HLA-DQA1: variants seen among roughly 807,000 people sequenced by gnomAD.
The protein encoded by HLA-DQA1 is major histocompatibility complex, class II, DQ alpha 1.
Under a neutral mutation model 20.7 loss-of-function variants are expected in HLA-DQA1, and 10 were observed. The observed-to-expected ratio is 0.48, with a 90% CI of 0.30 to 0.82. The LOEUF (loss-of-function observed/expected upper bound fraction) is 0.82, where lower values mean the gene tolerates loss of function less well. Ranked by LOEUF, HLA-DQA1 falls within the 40% of genes least tolerant of loss-of-function variation. The probability of loss-of-function intolerance (pLI) is 0.07; values close to 1 mark genes in which losing one functional copy is unlikely to be tolerated. For synonymous variants in HLA-DQA1, 39 were observed against 109.2 expected, an observed-to-expected ratio of 0.36 and a Z score of 4.01; for missense variants, 127 against 293.0, an observed-to-expected ratio of 0.43 and a Z score of 4.14.
the HLA-DQA1 span, among the ~76,000 whole-genome samples, chr6:32,652,773 A>T: frequency 6.7e-6 from 1 of 150,214 alleles, no homozygotes; most frequent in Non-Finnish European, 1.5e-5. Context: ...GGAAAGAGAC[A>T]TTGCCCATAG....
At chr6:32,641,279 C>T (rs28383441) in intron 1 of HLA-DQA1, 31 bp from the exon 2 acceptor site, 116,015 of 1,104,686 alleles carry the variant, frequency 0.11, 20,391 homozygotes, top group Admixed American at 0.21. Context: ...CCCTGTTCTC[C>T]GCCTTCCTGC....
chr6:32,642,812 G>A, intron 4 of HLA-DQA1, 28 bp downstream of exon 4: 1 of 1,032,572 alleles, frequency 9.7e-7, no homozygotes, highest in East Asian at 3.1e-5. Flanking sequence ...TACAGTTGAA[G>A]CGGCAGTATG....
At chr6:32,642,478 G>A (rs9272774) in intron 3 of HLA-DQA1, 132 bp from the exon 4 acceptor site, 111,432 of 626,790 alleles carry the variant, frequency 0.18, 30,113 homozygotes, top group East Asian at 0.31. Context: ...GTTTTCTAAT[G>A]ATAGACTTCA....
chr6:32,651,428 C>CA (rs1782181866), downstream of HLA-DQA1, among the ~76,000 whole-genome samples: 1 of 80,518 alleles, frequency 1.2e-5, no homozygotes, highest in African/African-American at 4.3e-5. Context: ...ACTAAAAGTA[C>CA]AAAAAATTAG....
chr6:32,642,176 T>A lies in HLA-DQA1; in HGVS notation c.536T>A (p.Phe179Tyr). The stretch of plus-strand genomic sequence containing the variant: ...TTCTTCAAGATCAGTTACCTCACCT[T>A]CCTCCCTTCTGCTGATGAGATTTAT... ...HSFFKISYLT[F>Y]LPSADEIYDC... Residue 179 changes from phenylalanine to tyrosine, a missense_variant, in exon 3 of 5, where the codon TTC becomes TAC. By Grantham distance (22) the Phe-to-Tyr change is conservative. Around this residue, in one of 4 missense-constraint regions of HLA-DQA1, gnomAD observed 46 missense variants for 152.1 expected, o/e 0.30. Coordinates refer to ENST00000343139, the MANE Select transcript of HLA-DQA1 (RefSeq NM_002122.5). 7.0e-7 allele frequency: 1 copy of A among 1,422,802 alleles called. No homozygotes were observed. Among genetic ancestry groups the A allele is most frequent in the Non-Finnish European group, 9.6e-7 (1 of 1,036,758 alleles). 88.1% of individuals were successfully genotyped at this position (1,422,802 alleles called of 1,614,324 possible). A position where few individuals can be genotyped will look rare whatever the true frequency, so the allele number is the denominator to read the frequency against.
chr6:32,646,893 A>AT (rs17843742), downstream of HLA-DQA1: 17,530 of 52,774 alleles, frequency 0.33, 6,263 homozygotes, highest in East Asian at 0.45. Flanking sequence ...GAAGCTATAC[A>AT]TTTTAAAAGG....
At chr6:32,651,588 C>CAA (rs70996710), downstream of HLA-DQA1, among the ~76,000 whole-genome samples, 107 of 15,288 alleles carry the variant, frequency 7.0e-3, 32 homozygotes, top group East Asian at 0.15. Flanking sequence ...CGTCTCAAAG[C>CAA]AAAAAAAAAA....
In HLA-DQA1 at chr6:32,641,333, G is replaced by A. The variant is rs780232299; in HGVS notation, c.106G>A (p.Val36Ile). The change falls in exon 2 of 5, where the codon GTA (valine) becomes ATA (isoleucine). Residue 36 changes from valine to isoleucine, a missense_variant. By Grantham distance (29) the Val-to-Ile change is conservative (BLOSUM62 3). Coordinates refer to ENST00000343139, the MANE Select transcript of HLA-DQA1 (RefSeq NM_002122.5). ...IVADHVASCG[V>I]NLYQFYGPSG... ...AGCTGACCACGTTGCCTCTTGTGGT[G>A]TAAACTTGTACCAGTTTTACGGTCC... 4.1e-6 allele frequency: 5 copies of A among 1,224,406 alleles called. No homozygotes were observed. In the African/African-American group the frequency reaches 8.5e-5, roughly 21 times the overall value. The allele number at this position is 1,224,406 out of a possible 1,614,324, so 75.8% of individuals were successfully genotyped here.
chr6:32,653,084 A>G, the HLA-DQA1 span, among the ~76,000 whole-genome samples: 68,006 of 126,312 alleles, frequency 0.54, 19,523 homozygotes, highest in Middle Eastern at 0.66. Flanking sequence ...AGGCAATTCC[A>G]GGGGATGGCT....
Position 32,642,148 on chromosome 6 carries a change from T to A in HLA-DQA1, c.508T>A (p.Ser170Thr). ...ETSFLSKSDH[S>T]FFKISYLTFL... Reference sequence around the variant, plus strand: ...CAGCTTCCTCTCCAAGAGTGATCATTCCTTCTTCAAGATCAGTTACCTCAC... The same window carrying A: ...CAGCTTCCTCTCCAAGAGTGATCATACCTTCTTCAAGATCAGTTACCTCAC... The change falls in exon 3 of 5, where the codon TCC becomes ACC. Residue 170 changes from serine to threonine, a missense_variant. Around this residue, in one of 4 missense-constraint regions of HLA-DQA1, gnomAD observed 46 missense variants for 152.1 expected, o/e 0.30. Transcript: ENST00000343139. 2 of 1,428,122 alleles carry A rather than the reference T, an allele frequency of 1.4e-6. No homozygotes were observed. The highest frequency in any genetic ancestry group is 1.1e-5 in the South Asian group (1 of 87,784). The allele number at this position is 1,428,122 out of a possible 1,614,324, so 88.5% of individuals were successfully genotyped here. A position where few individuals can be genotyped will look rare whatever the true frequency, so the allele number is the denominator to read the frequency against.
intron 1 of HLA-DQA1, chr6:32,639,203 C>A (rs28383366): frequency 0.051 from 7,608 of 149,190 alleles, 719 homozygotes; most frequent in Non-Finnish European, 0.059. Flanking sequence ...GTGCAGGGGA[C>A]CCTCCATACT....
downstream of HLA-DQA1, among the ~76,000 whole-genome samples, chr6:32,650,765 G>A (rs1423775982): frequency 2.2e-5 from 2 of 89,600 alleles, 1 homozygote; most frequent in Non-Finnish European, 4.9e-5. Context: ...CGAGTTGATG[G>A]GTGCAGCAAA....
At chr6:32,651,378 A>G (rs1397006153), downstream of HLA-DQA1, among the ~76,000 whole-genome samples, 2 of 82,478 alleles carry the variant, frequency 2.4e-5, 1 homozygote, top group East Asian at 8.3e-4. Context: ...AGGTCAGGAG[A>G]TCAAGACCAT....
downstream of HLA-DQA1, chr6:32,643,710 A>G (rs1781672256): frequency 7.2e-6 from 1 of 138,778 alleles, no homozygotes. Flanking sequence ...GAATGATGAC[A>G]GTAGAAGCCT....
chr6:32,637,715 T>G (rs1780988075), intron 1 of HLA-DQA1, among the ~76,000 whole-genome samples, 175 bp downstream of exon 1: 1 of 104,306 alleles, frequency 9.6e-6, no homozygotes, highest in African/African-American at 3.4e-5. Context: ...AACCTACTCT[T>G]TTTGTTATCT....
chr6:32,645,107 TATA>T (rs983609352), downstream of HLA-DQA1: 1 of 137,736 alleles, frequency 7.3e-6, no homozygotes, highest in African/African-American at 2.6e-5. Flanking sequence ...CCACAGAATA[TATA>T]ACACCAAGAG....
the HLA-DQA1 span, among the ~76,000 whole-genome samples, chr6:32,653,058 C>T: frequency 0.14 from 19,890 of 141,584 alleles, 1,580 homozygotes; most frequent in East Asian, 0.27. Flanking sequence ...TCCGATGAGG[C>T]AGGTTTCATC....
At chr6:32,647,163 T>TTA (rs1781991582), downstream of HLA-DQA1, 1 of 148,110 alleles carries the variant, frequency 6.8e-6, no homozygotes, top group African/African-American at 2.5e-5. Context: ...TTGTTAAAGC[T>TTA]GGCCTTTTAA....
intron 1 of HLA-DQA1, among the ~76,000 whole-genome samples, chr6:32,638,019 C>T (rs914598931): frequency 7.9e-6 from 1 of 126,086 alleles, no homozygotes; most frequent in Admixed American, 8.5e-5. Flanking sequence ...ACTCACATTT[C>T]CACATGGGAA....
Sources: gnomAD v4.1 joint callset for allele counts (sites outside exome capture counted in the v4.1 genomes callset) on GRCh38, gnomAD v4.1.1 for gene constraint, gnomAD v4.1.1 regional missense constraint, MANE v1.5 for transcripts, NCBI Gene and HGNC (gene_info 2026-07-23, HGNC 2026-07-21) for gene names.